The following SLC6A11 variants were observed in gnomAD, a reference collection of about 807,000 sequenced individuals.
SLC6A11 encodes sodium- and chloride-dependent GABA transporter 3.
Under a neutral mutation model 74.8 loss-of-function variants are expected in SLC6A11, and 25 were observed. That is an observed-to-expected ratio of 0.33 (90% confidence interval 0.24 to 0.47). The LOEUF is 0.47. Among genes scored for constraint, SLC6A11 ranks in the 20% least tolerant of loss-of-function variants. The pLI is 1.00. For missense variants in SLC6A11, 574 were observed against 837.0 expected (o/e 0.69, Z 3.88); for synonymous variants, 330 against 330.2 (o/e 1.00, Z 0.01).
intron 6 of SLC6A11, among the ~76,000 whole-genome samples, chr3:10,887,388 GAAC>G (rs1257029576): frequency 6.6e-6 from 1 of 152,138 alleles, no homozygotes; most frequent in African/African-American, 2.4e-5. Flanking sequence ...AATCAGAGAA[GAAC>G]AACATTATTT....
intron 5 of SLC6A11, among the ~76,000 whole-genome samples, chr3:10,860,048 A>G (rs1386671823): frequency 6.6e-6 from 1 of 152,248 alleles, no homozygotes; most frequent in East Asian, 1.9e-4. Flanking sequence ...TCTTGGATCC[A>G]TAAAGTAATT....
At chr3:10,886,987 T>C (rs1332151646) in intron 6 of SLC6A11, among the ~76,000 whole-genome samples, 1 of 152,210 alleles carries the variant, frequency 6.6e-6, no homozygotes, top group Non-Finnish European at 1.5e-5. Flanking sequence ...GTCTGTCTTA[T>C]CCGCTGTGAA....
chr3:10,912,323 C>T, intron 7 of SLC6A11, 130 bp downstream of exon 7: 1 of 668,068 alleles, frequency 1.5e-6, no homozygotes, highest in South Asian at 1.8e-5. Context: ...GTTTGTTGGC[C>T]TCCCACTACC....
chr3:10,892,558 T>C (rs1440886698), intron 6 of SLC6A11, among the ~76,000 whole-genome samples: 1 of 149,662 alleles, frequency 6.7e-6, no homozygotes, highest in Admixed American at 6.6e-5. Context: ...TCTAGTAAAA[T>C]CACTGTCTTC....
intron 4 of SLC6A11, among the ~76,000 whole-genome samples, chr3:10,842,777 G>A (rs530315030): frequency 1.3e-3 from 193 of 152,286 alleles, no homozygotes; most frequent in African/African-American, 4.2e-3. Context: ...GGCTATGGGT[G>A]TGAGAGCTGA....
intron 7 of SLC6A11, among the ~76,000 whole-genome samples, chr3:10,913,979 C>T (rs1453792749): frequency 1.3e-5 from 2 of 152,204 alleles, no homozygotes; most frequent in African/African-American, 2.4e-5. Context: ...AGGCTTGAGC[C>T]ACGGTGCCCG....
intron 4 of SLC6A11, among the ~76,000 whole-genome samples, chr3:10,833,531 C>G (rs942312777): frequency 6.6e-6 from 1 of 152,270 alleles, no homozygotes; most frequent in East Asian, 1.9e-4. Flanking sequence ...GCCCTTCAGC[C>G]GAGGATCAAG....
At position 10,933,126 on chromosome 3, in the gene SLC6A11, C is replaced by T. The variant is rs778257250; in HGVS notation, c.1372-25C>T. On this transcript the variant is annotated intron_variant, in intron 10 of 13. Coordinates refer to ENST00000254488, the MANE Select transcript of SLC6A11 (RefSeq NM_014229.3). ...CCCGTGTGTCCGTTCACCTCCCATC[C>T]GTGTGTCTGTTCCCCGACCTGCAGG... is the stretch of plus-strand genomic sequence containing the variant. 10 of 1,557,096 alleles carry T rather than the reference C, an allele frequency of 6.4e-6. 1 individual carries two copies. In the East Asian group the frequency reaches 6.7e-5, roughly 10 times the overall value.
intron 4 of SLC6A11, among the ~76,000 whole-genome samples, chr3:10,828,452 A>C (rs777502006): frequency 6.6e-6 from 1 of 152,132 alleles, no homozygotes; most frequent in Non-Finnish European, 1.5e-5. Flanking sequence ...TTCTTTGGAC[A>C]TGAGATTTGG....
At chr3:10,883,648 A>G (rs1446572214) in intron 6 of SLC6A11, among the ~76,000 whole-genome samples, 3 of 152,134 alleles carry the variant, frequency 2.0e-5, no homozygotes, top group Non-Finnish European at 4.4e-5. Context: ...ACAAGACCCC[A>G]GTTCAAGACC....
chr3:10,875,025 C>T lies in SLC6A11; in HGVS notation c.821C>T (p.Thr274Met), dbSNP rs773008146. The T allele has an allele frequency of 5.0e-6, 8 of 1,613,762 alleles. No homozygotes were observed. Among genetic ancestry groups the T allele is most frequent in the Admixed American group, 3.3e-5 (2 of 59,998 alleles). ...CTGATCCTCCTGATACGAGGGGTCA[C>T]GTTGCCCGGGGCCTCAGAGGGCATC... ...MLLILLIRGV[T>M]LPGASEGIKF... The change falls in exon 6 of 14, where the codon ACG (threonine) becomes ATG (methionine). Residue 274 changes from threonine (T) to methionine (M), a missense_variant. Coordinates refer to ENST00000254488, the MANE Select transcript of SLC6A11 (RefSeq NM_014229.3).
intron 5 of SLC6A11, among the ~76,000 whole-genome samples, chr3:10,852,025 G>T (rs566726161): frequency 4.6e-5 from 7 of 152,242 alleles, no homozygotes; most frequent in Admixed American, 4.6e-4. Context: ...GCTCAATGAG[G>T]CATAAAGCAG....
rs1417963192 is a variant in SLC6A11, at chr3:10,926,937, G to T, written c.1233+821G>T. 1.3e-5 allele frequency among the ~76,000 whole-genome samples: 2 copies of T among 152,162 alleles called. No homozygotes were observed. Among genetic ancestry groups the T allele is most frequent in the Non-Finnish European group, 2.9e-5 (2 of 68,028 alleles). On this transcript the variant is annotated intron_variant, in intron 9 of 13. Transcript: ENST00000254488. This position sits in a 1 kb window ranked among gnomAD's most constrained non-coding sequence, Gnocchi z 5.7. ...CCAGCCACAGCCTCCCCGCCTCGGA[G>T]ACTGGGGTCTCTTGGCCAACCAGTG...
At chr3:10,911,971 A>T (rs1390049960) in intron 6 of SLC6A11, 119 bp from the exon 7 acceptor site, 3 of 725,614 alleles carry the variant, frequency 4.1e-6, no homozygotes, top group Non-Finnish European at 5.0e-6. Flanking sequence ...AAGTTTAATT[A>T]TCCCTTATGG....
rs555884611 is a variant in SLC6A11 at position 10,846,258 on chromosome 3, A to T, written c.756+1912A>T. On this transcript the variant is annotated intron_variant, in intron 5 of 13. Coordinates refer to ENST00000254488, the MANE Select transcript of SLC6A11 (RefSeq NM_014229.3). The stretch of plus-strand genomic sequence containing the variant: ...GGGTTTCTAAAGATGAGTAAAACAC[A>T]GCCTCTTCCCTACCCAGACAATACA... 3.9e-5 allele frequency among the ~76,000 whole-genome samples: 6 copies of T among 152,354 alleles called. No individual in the cohort carries two copies. The South Asian group carries it at 1.2e-3, about 32-fold the overall frequency.
chr3:10,920,233 A>T (rs1420982442), intron 8 of SLC6A11, among the ~76,000 whole-genome samples: 4 of 152,196 alleles, frequency 2.6e-5, no homozygotes, highest in African/African-American at 2.4e-5. Context: ...ATCCAACTAA[A>T]ATTAAATTTT....
rs1290169266 is a variant in SLC6A11, at chr3:10,915,259, T to A, written c.995+3066T>A. ...GTGTCTTGGGGCAGTGGCAGCTTCATTCCCCACTGAGTGCGTGGAGGATGT... is the reference window on the plus strand; with the variant it reads ...GTGTCTTGGGGCAGTGGCAGCTTCAATCCCCACTGAGTGCGTGGAGGATGT... On this transcript the variant is annotated intron_variant, in intron 7 of 13. Transcript: ENST00000254488. This position sits in a 1 kb window ranked among gnomAD's most constrained non-coding sequence, Gnocchi z 4.3. Among the ~76,000 whole-genome samples, 1 of 152,134 alleles carries A rather than the reference T, an allele frequency of 6.6e-6. No individual in the cohort carries two copies. The highest frequency in any genetic ancestry group is 1.5e-5 in the Non-Finnish European group (1 of 68,024).
chr3:10,827,114 A>C (rs1262092448), intron 4 of SLC6A11, among the ~76,000 whole-genome samples: 1 of 152,238 alleles, frequency 6.6e-6, no homozygotes, highest in African/African-American at 2.4e-5. Flanking sequence ...AGCTGAGATT[A>C]GAATATAGAG....
chr3:10,935,282 T>C, intron 13 of SLC6A11, 83 bp downstream of exon 13: 1 of 1,306,968 alleles, frequency 7.7e-7, no homozygotes, highest in Non-Finnish European at 1.1e-6. Context: ...TGGTGCGCGA[T>C]GACGGCCTGC....
Sources: gnomAD v4.1 joint callset for allele counts (sites outside exome capture counted in the v4.1 genomes callset) on GRCh38, gnomAD v4.1.1 for gene constraint, Gnocchi (gnomAD v3.1) non-coding constraint, MANE v1.5 for transcripts, NCBI Gene and HGNC (gene_info 2026-07-23, HGNC 2026-07-21) for gene names.